Variants in TTN observed in about 807,000 individuals in gnomAD.
TTN encodes the protein titin.
TTN carries 1,525 observed loss-of-function variants against 3,223.0 expected under a neutral mutation model. The ratio of observed to expected loss-of-function variants is 0.47; its 90% CI spans 0.45 to 0.49. The LOEUF is 0.49. Ranked by LOEUF, TTN falls within the 20% of genes least tolerant of loss-of-function variation. The pLI is 0.00. For missense variants in TTN, 40,786 were observed against 43,424.0 expected, an observed-to-expected ratio of 0.94 and a Z score of 5.40; for synonymous variants, 14,094 against 15,161.0, an observed-to-expected ratio of 0.93 and a Z score of 5.17.
chr2:178,599,359 C>T lies in TTN; in HGVS notation c.56434G>A (p.Asp18812Asn). Residue 18812 changes from aspartate to asparagine, a missense_variant, in exon 290 of 363, where the codon GAT becomes AAT. By Grantham distance (23) the Asp-to-Asn change is conservative (BLOSUM62 1). Coordinates refer to ENST00000589042, the MANE Select transcript of TTN (RefSeq NM_001267550.2). ...TAGTTTGTAATCTTAGACCCACCATCATCTTTAGGTGGAAACCAAGATAGT... is the reference window on the plus strand; with the variant it reads ...TAGTTTGTAATCTTAGACCCACCATTATCTTTAGGTGGAAACCAAGATAGT... ...MTLSWFPPKD[D>N]GGSKITNYVI... 6.2e-7 allele frequency: 1 copy of T among 1,605,072 alleles called. No homozygotes were observed. Among genetic ancestry groups the T allele is most frequent in the Non-Finnish European group, 8.5e-7 (1 of 1,176,974 alleles).
At chr2:178,692,633 G>A in intron 119 of TTN, 53 bp from the exon 120 acceptor site, 1 of 1,323,146 alleles carries the variant, frequency 7.6e-7, no homozygotes, top group Middle Eastern at 1.9e-4. Flanking sequence ...CAAGGCATAT[G>A]TTGTTGTAAG....
intron 45 of TTN, 139 bp from the exon 46 acceptor site, chr2:178,756,936 A>G (rs1300789239): frequency 1.2e-5 from 9 of 752,774 alleles, no homozygotes; most frequent in Non-Finnish European, 1.9e-5. Context: ...TGCCAGATGC[A>G]ATATGATCTA....
At chr2:178,746,195 G>C (rs1047441070) in intron 47 of TTN, 2 of 1,613,134 alleles carry the variant, frequency 1.2e-6, no homozygotes, top group Non-Finnish European at 1.7e-6. Context: ...CCCTATGACT[G>C]AACATTTGAA....
rs1285329277 is a variant in TTN, at chr2:178,560,055, A to AT, written c.86076dup (p.Ser28693IlefsTer2). On this transcript the variant is annotated frameshift_variant, in exon 326 of 363. Coordinates refer to ENST00000589042, the MANE Select transcript of TTN (RefSeq NM_001267550.2). LOFTEE classifies it high-confidence loss of function. ...GAAGTTTTCCAGTCAGTGTCATCAG[A>AT]TTTTTTGTATTCTACAGTATATCCA... The AT allele has an allele frequency of 4.3e-6, 7 of 1,613,574 alleles. No homozygotes were observed. Among genetic ancestry groups the AT allele is most frequent in the Non-Finnish European group, 5.1e-6 (6 of 1,179,774 alleles).
chr2:178,573,145 G>A lies in TTN; in HGVS notation c.72987C>T (p.Asn24329=). 6.2e-7 allele frequency: 1 copy of A among 1,613,176 alleles called. No individual in the cohort carries two copies. The highest frequency in any genetic ancestry group is 8.5e-7 in the Non-Finnish European group (1 of 1,179,492). The change falls in exon 326 of 363, where the codon AAC becomes AAT. Residue 24329 remains asparagine (N), a synonymous_variant. Coordinates refer to ENST00000589042, the MANE Select transcript of TTN (RefSeq NM_001267550.2). ...ATCTGCTTGTATCCAGAACACGTGG[G>A]TTACCTGGTGGTCCAGGTTTAAACA... is the stretch of plus-strand genomic sequence containing the variant. ...DTVFKPGPPG[N]PRVLDTSRSS... is the part of the protein sequence containing the mutation.
At position 178,793,537 on chromosome 2, in the gene TTN, C is replaced by A. The variant is rs1167395168; in HGVS notation, c.1403G>T (p.Arg468Ile). The change falls in exon 9 of 363, where the codon AGA (arginine) becomes ATA (isoleucine). Residue 468 changes from arginine to isoleucine, a missense_variant. By Grantham distance (97) the Arg-to-Ile change is moderately conservative. Transcript: ENST00000589042. Reference protein sequence around the residue: ...VHIQPAQEQVRKEAEKTAVTK... With the variant: ...VHIQPAQEQVIKEAEKTAVTK... The stretch of plus-strand genomic sequence containing the variant: ...TACAGCAGTCTTCTCCGCTTCCTTT[C>A]TTACCTGCTTTTCATAGAGAAAGGA... The A allele has an allele frequency of 6.2e-7, 1 of 1,613,826 alleles. No individual in the cohort carries two copies. Among genetic ancestry groups the A allele is most frequent in the Non-Finnish European group, 8.5e-7 (1 of 1,180,008 alleles).
Position 178,705,183 on chromosome 2 carries a change from T to C in TTN, c.29595A>G (p.Thr9865=), listed in dbSNP as rs747486774. 5.0e-6 allele frequency: 8 copies of C among 1,613,164 alleles called. No individual in the cohort carries two copies. In the South Asian group the frequency reaches 7.7e-5, roughly 16 times the overall value. The change falls in exon 103 of 363, where the codon ACA becomes ACG. Residue 9865 remains threonine (T), a synonymous_variant. Transcript: ENST00000589042. ...ATATGAAGGAGCATACCAGTCTATG[T>C]GTCTCTTCTTCTTGGCTTTGCTTGA... ...ELLKQSQEEE[T]HRLEIEEIER...
In TTN at chr2:178,678,730, A is replaced by G. The variant is rs199586235; in HGVS notation, c.33826+17T>C. On this transcript the variant is annotated intron_variant, in intron 143 of 362. Coordinates refer to ENST00000589042, the MANE Select transcript of TTN (RefSeq NM_001267550.2). ...AAATGTGAAATAAAAATATTGCAAC[A>G]TTGCAAGTTCATGTACCTTTGGCAG... is the stretch of plus-strand genomic sequence containing the variant. 6.3e-7 allele frequency: 1 copy of G among 1,597,540 alleles called. No homozygotes were observed. Among genetic ancestry groups the G allele is most frequent in the Non-Finnish European group, 8.5e-7 (1 of 1,173,638 alleles).
In TTN at chr2:178,546,309, C is replaced by G; in HGVS notation, c.95022G>C (p.Val31674=). 6.2e-7 allele frequency: 1 copy of G among 1,613,858 alleles called. No homozygotes were observed. The highest frequency in any genetic ancestry group is 1.1e-5 in the South Asian group (1 of 91,078). ...TGTCACTTCTGTCACAGAACTTGAT[C>G]ACAGCAGTTGCTCGTTTGCCAGTAT... ...LQYTGKRATA[V]IKFCDRSDSG... is the part of the protein sequence containing the mutation. The change falls in exon 342 of 363, where the codon GTG becomes GTC. Residue 31674 remains valine (V), a synonymous_variant. Transcript: ENST00000589042.
intron 242 of TTN, among the ~76,000 whole-genome samples, chr2:178,623,654 G>GA (rs1026675927): frequency 6.6e-6 from 1 of 151,906 alleles, no homozygotes; most frequent in African/African-American, 2.4e-5. Flanking sequence ...AAAGTGGTAA[G>GA]AAAAACATGG....
chr2:178,794,255 TA>T, intron 8 of TTN, 143 bp downstream of exon 8: 2 of 1,274,244 alleles, frequency 1.6e-6, no homozygotes, highest in Non-Finnish European at 2.3e-6. Context: ...CAGAAAGTTC[TA>T]AAAGTCTGGG....
rs765090108 is a variant in TTN at position 178,557,825 on chromosome 2, T to G, written c.87529A>C (p.Lys29177Gln). 2 of 1,613,998 alleles carry G rather than the reference T, an allele frequency of 1.2e-6. No homozygotes were observed. The highest frequency in any genetic ancestry group is 1.7e-6 in the Non-Finnish European group (2 of 1,179,858). Residue 29177 changes from lysine to glutamine, a missense_variant, in exon 328 of 363, where the codon AAA becomes CAA. Coordinates refer to ENST00000589042, the MANE Select transcript of TTN (RefSeq NM_001267550.2). ...CACACTGCAGTACTTGTTTCTCTTTTGAGTAGAATGTAGTTGGTAACTTGA... is the reference window on the plus strand; with the variant it reads ...CACACTGCAGTACTTGTTTCTCTTTGGAGTAGAATGTAGTTGGTAACTTGA... The part of the protein sequence containing the change: ...GSQVTNYILL[K>Q]RETSTAVWTE...
At chr2:178,580,823 TC>T (rs34306137) in intron 316 of TTN, 47 of 545,296 alleles carry the variant, frequency 8.6e-5, no homozygotes, top group Middle Eastern at 4.8e-4. Flanking sequence ...AACCAGGTTT[TC>T]CCCCCGGAGG....
chr2:178,672,313 A>C, intron 154 of TTN, 46 bp from the exon 155 acceptor site: 1 of 1,605,000 alleles, frequency 6.2e-7, no homozygotes, highest in Admixed American at 1.7e-5. Flanking sequence ...AACACTGAAG[A>C]AATAAAGATG....
In TTN at chr2:178,533,630, C is replaced by T. The variant is rs749925915; in HGVS notation, c.102985G>A (p.Ala34329Thr). The T allele has an allele frequency of 1.2e-5, 20 of 1,613,824 alleles. No homozygotes were observed. Among genetic ancestry groups the T allele is most frequent in the South Asian group, 5.5e-5 (5 of 91,086 alleles). ...TTCCTTGCCACAACAGTATATTCAGCGTCATCATCTGTAGTGACACTGTTG... is the reference window on the plus strand; with the variant it reads ...TTCCTTGCCACAACAGTATATTCAGTGTCATCATCTGTAGTGACACTGTTG... ...TINSVTTDDD[A>T]EYTVVARNKY... Residue 34329 changes from alanine (A) to threonine (T), a missense_variant, in exon 358 of 363, where the codon GCT becomes ACT. Physicochemically the swap from Ala to Thr is moderately conservative, Grantham distance 58 (BLOSUM62 0). Transcript: ENST00000589042.
chr2:178,706,672 C>G lies in TTN; in HGVS notation c.29202G>C (p.Gly9734=), dbSNP rs1306010487. Residue 9734 remains glycine, a synonymous_variant, in exon 102 of 363, where the codon GGG becomes GGC. Coordinates refer to ENST00000589042, the MANE Select transcript of TTN (RefSeq NM_001267550.2). The part of the protein sequence containing the change: ...DPIPNVKWTK[G]KWRQLNQGGR... ...CTCCTTGGTTCAGCTGTCTCCACTT[C>G]CCTTTTGTCCATTTAACATTTGGGA... 4 of 1,613,680 alleles carry G rather than the reference C, an allele frequency of 2.5e-6. No homozygotes were observed. The highest frequency in any genetic ancestry group is 1.7e-5 in the Admixed American group (1 of 59,982).
rs767871066 is a variant in TTN at position 178,751,513 on chromosome 2, AT to A, written c.11311+1610del. ...TAAACCTCAGGTCAACCTTTATCCTATCTTCTCCCCTTTCAACTAAAGCCTC... is the reference window on the plus strand; with the variant it reads ...TAAACCTCAGGTCAACCTTTATCCTACTTCTCCCCTTTCAACTAAAGCCTC... On this transcript the variant is annotated intron_variant, in intron 47 of 362. Coordinates refer to ENST00000589042, the MANE Select transcript of TTN (RefSeq NM_001267550.2). 4 of 1,613,324 alleles carry A rather than the reference AT, an allele frequency of 2.5e-6. No individual in the cohort carries two copies. Among genetic ancestry groups the A allele is most frequent in the Non-Finnish European group, 3.4e-6 (4 of 1,179,516 alleles).
rs895348377 is a variant in TTN, at chr2:178,552,756, G to A, written c.90144C>T (p.Ile30048=). The change falls in exon 335 of 363, where the codon ATC becomes ATT. Residue 30048 remains isoleucine, a synonymous_variant. Transcript: ENST00000589042. ...CAAAGTCAGGTTTGGTCCAGCTGAG[G>A]ATGACAGATGTCTTTGTTGAGTCTT... The part of the protein sequence containing the change: ...SMKDSTKTSV[I]LSWTKPDFDG... 6.2e-7 allele frequency: 1 copy of A among 1,613,834 alleles called. No individual in the cohort carries two copies. The highest frequency in any genetic ancestry group is 1.3e-5 in the African/African-American group (1 of 74,932).
At chr2:178,559,269 A>G in intron 326 of TTN, 42 bp downstream of exon 326, 1 of 1,510,176 alleles carries the variant, frequency 6.6e-7, no homozygotes, top group South Asian at 1.3e-5. Flanking sequence ...TTCTAGCAAA[A>G]TTAACGTGGA....
Sources: allele counts gnomAD v4.1 joint callset (sites outside exome capture counted in the v4.1 genomes callset), GRCh38; gene constraint gnomAD v4.1.1; transcripts MANE v1.5; gene names NCBI Gene and HGNC (gene_info 2026-07-23, HGNC 2026-07-21).